The following INPP4B variants were observed in gnomAD, a reference collection of about 807,000 sequenced individuals.
INPP4B encodes inositol polyphosphate 4-phosphatase type II.
A neutral mutation model predicts 122.5 loss-of-function variants in INPP4B; 55 were observed. The observed-to-expected ratio is 0.45, with a 90% CI of 0.36 to 0.56. INPP4B has a LOEUF of 0.56. Ranked by LOEUF, INPP4B falls within the 20% of genes least tolerant of loss-of-function variation. The probability of loss-of-function intolerance (pLI) is 0.00; values close to 1 mark genes in which losing one functional copy is unlikely to be tolerated. For missense variants in INPP4B, 1,000 were observed against 1,097.7 expected, an observed-to-expected ratio of 0.91 and a Z score of 1.26; for synonymous variants, 403 against 388.7, an observed-to-expected ratio of 1.04 and a Z score of -0.43.
chr4:142,763,043 G>T (rs1262820221), intron 1 of INPP4B, among the ~76,000 whole-genome samples: 1 of 152,080 alleles, frequency 6.6e-6, no homozygotes, highest in Non-Finnish European at 1.5e-5. Flanking sequence ...CTTCAGCCTG[G>T]ATGTCCCAGA....
At chr4:142,623,674 C>T (rs540705262) in intron 2 of INPP4B, among the ~76,000 whole-genome samples, 1 of 151,820 alleles carries the variant, frequency 6.6e-6, no homozygotes, top group South Asian at 2.1e-4. Context: ...CCCATTAACT[C>T]ATCATTTAGC....
intron 1 of INPP4B, among the ~76,000 whole-genome samples, chr4:142,759,529 T>C (rs576499971): frequency 1.3e-5 from 2 of 152,226 alleles, no homozygotes; most frequent in Middle Eastern, 6.8e-3. Flanking sequence ...ATTAAGTCTC[T>C]TGTAGTACTT....
intron 1 of INPP4B, among the ~76,000 whole-genome samples, chr4:142,762,072 C>CAG (rs79046148): frequency 0.09 from 13,678 of 152,108 alleles, 764 homozygotes; most frequent in African/African-American, 0.16. Flanking sequence ...TCTTCTCAGG[C>CAG]AGAGAGTTGT....
In INPP4B at chr4:142,537,400, GTATA is replaced by G. The variant is rs34425745; in HGVS notation, c.-190-74678_-190-74675del. 5.1e-3 allele frequency among the ~76,000 whole-genome samples: 168 copies of G among 32,968 alleles called. 2 individuals are homozygous for G. The highest frequency in any genetic ancestry group is 7.8e-3 in the East Asian group (21 of 2,680). The allele number at this position is 32,968 out of a possible 152,430, so 21.6% of individuals were successfully genotyped here. A position where few individuals can be genotyped will look rare whatever the true frequency, so the allele number is the denominator to read the frequency against. ...TCAGAGACCAGAGATTTTACATACA[GTATA>G]TATATATATATATATATATATATAT... On this transcript the variant is annotated intron_variant, in intron 2 of 25. Coordinates refer to ENST00000262992, the MANE Select transcript of INPP4B (RefSeq NM_001101669.3).
intron 12 of INPP4B, among the ~76,000 whole-genome samples, chr4:142,230,879 C>T (rs1854034536): frequency 6.6e-6 from 1 of 152,090 alleles, no homozygotes; most frequent in Admixed American, 6.5e-5. Flanking sequence ...TTCTTCACAG[C>T]AGTAAACAAC....
chr4:142,206,951 C>CT (rs1455900536), intron 14 of INPP4B, among the ~76,000 whole-genome samples: 2 of 151,988 alleles, frequency 1.3e-5, no homozygotes, highest in African/African-American at 4.8e-5. Context: ...CTAATACCTC[C>CT]TTTTTTCAAC....
chr4:142,658,514 C>A (rs572564271), intron 2 of INPP4B, among the ~76,000 whole-genome samples: 1 of 152,180 alleles, frequency 6.6e-6, no homozygotes, highest in Non-Finnish European at 1.5e-5. Context: ...AGGTATAATC[C>A]TGTGATCAAG....
intron 17 of INPP4B, among the ~76,000 whole-genome samples, chr4:142,158,333 C>T (rs148019209): frequency 8.1e-4 from 124 of 152,176 alleles, no homozygotes; most frequent in African/African-American, 2.8e-3. Flanking sequence ...GGCTGCACTG[C>T]GATTGCTATT....
intron 10 of INPP4B, among the ~76,000 whole-genome samples, chr4:142,264,977 T>A (rs1158980869): frequency 4.3e-5 from 6 of 140,444 alleles, no homozygotes; most frequent in Non-Finnish European, 7.4e-5. Flanking sequence ...TCTCTCTCTC[T>A]CCCTCTCTCT....
chr4:142,454,897 A>G (rs1230508877), intron 3 of INPP4B, among the ~76,000 whole-genome samples: 6 of 152,102 alleles, frequency 3.9e-5, no homozygotes, highest in Non-Finnish European at 8.8e-5. Flanking sequence ...CAAGCTACCT[A>G]AGGACTCTAA....
In INPP4B at chr4:142,170,549, G is replaced by T. The variant is rs369413818; in HGVS notation, c.1359+3083C>A. Among the ~76,000 whole-genome samples, 5 of 151,776 alleles carry T rather than the reference G, an allele frequency of 3.3e-5. No homozygotes were observed. In the East Asian group the frequency reaches 9.7e-4, roughly 30 times the overall value. The stretch of plus-strand genomic sequence containing the variant: ...GTAAATTTAATATTTCTCTGCCTCA[G>T]TTTCCTCAACTGTGTAAACTAAGGC... On this transcript the variant is annotated intron_variant, in intron 16 of 25. Transcript: ENST00000262992.
chr4:142,543,405 A>G lies in INPP4B; in HGVS notation c.-190-80679T>C, dbSNP rs1204120125. 2.0e-5 allele frequency among the ~76,000 whole-genome samples: 3 copies of G among 152,178 alleles called. No individual in the cohort carries two copies. In the East Asian group the frequency reaches 5.8e-4, roughly 29 times the overall value. On this transcript the variant is annotated intron_variant, in intron 2 of 25. Transcript: ENST00000262992. ...GCAAAAGCATTTCCACTGTCACAGG[A>G]TTAATTCCCCTTTAGCTTAATAATC...
intron 25 of INPP4B, among the ~76,000 whole-genome samples, chr4:142,079,001 A>T (rs1417003131): frequency 6.6e-6 from 1 of 152,086 alleles, no homozygotes; most frequent in Non-Finnish European, 1.5e-5. Context: ...AAAGTTCTTA[A>T]AAAATTAAAT....
chr4:142,740,931 T>C (rs561464714), intron 1 of INPP4B, among the ~76,000 whole-genome samples: 1 of 152,102 alleles, frequency 6.6e-6, no homozygotes, highest in African/African-American at 2.4e-5. Flanking sequence ...ATCTCAGGAT[T>C]CCCAGAATTT....
At chr4:142,739,364 A>G (rs1215776935) in intron 1 of INPP4B, among the ~76,000 whole-genome samples, 2 of 152,064 alleles carry the variant, frequency 1.3e-5, no homozygotes, top group African/African-American at 4.8e-5. Flanking sequence ...AGCATATGGT[A>G]TCAAGGAAAG....
At chr4:142,165,999 A>G (rs1822539903) in intron 16 of INPP4B, among the ~76,000 whole-genome samples, 1 of 151,584 alleles carries the variant, frequency 6.6e-6, no homozygotes, top group African/African-American at 2.4e-5. Flanking sequence ...GCATGTGTTT[A>G]TTTACCATTC....
At chr4:142,051,270 T>C (rs151001972) in intron 25 of INPP4B, among the ~76,000 whole-genome samples, 1 of 152,176 alleles carries the variant, frequency 6.6e-6, no homozygotes, top group Non-Finnish European at 1.5e-5. Context: ...ACCTTTACTT[T>C]ATCATCTACT....
chr4:142,817,653 C>T (rs945448911), intron 1 of INPP4B, among the ~76,000 whole-genome samples: 7 of 152,128 alleles, frequency 4.6e-5, no homozygotes, highest in African/African-American at 2.4e-5. Flanking sequence ...ACATAAACCA[C>T]AAACCATGAA....
At chr4:142,616,300 C>T (rs1165573744) in intron 2 of INPP4B, among the ~76,000 whole-genome samples, 4 of 152,024 alleles carry the variant, frequency 2.6e-5, no homozygotes, top group Non-Finnish European at 5.9e-5. Context: ...AGTCTTAAAA[C>T]ATAACACATT....
Sources: gnomAD v4.1 joint callset for allele counts (sites outside exome capture counted in the v4.1 genomes callset) on GRCh38, gnomAD v4.1.1 for gene constraint, MANE v1.5 for transcripts, NCBI Gene and HGNC (gene_info 2026-07-23, HGNC 2026-07-21) for gene names.